TADA1: variants seen among roughly 807,000 people sequenced by gnomAD.
TADA1 encodes the protein transcriptional adapter 1.
TADA1 carries 23 observed loss-of-function variants against 39.3 expected under a neutral mutation model. The observed-to-expected ratio is 0.58, with a 90% CI of 0.42 to 0.83. The LOEUF (loss-of-function observed/expected upper bound fraction) is 0.83. TADA1 is among the 40% of genes least tolerant of loss of function. The pLI is 0.00. For synonymous variants in TADA1, 137 were observed against 151.8 expected, an observed-to-expected ratio of 0.90 and a Z score of 0.72; for missense variants, 352 against 408.1, an observed-to-expected ratio of 0.86 and a Z score of 1.18.
rs751155143 is a variant in TADA1, at chr1:166,856,642, TTATC to T, written c.*921_*924del. On this transcript the variant is annotated 3_prime_UTR_variant, in exon 8 of 8. Transcript: ENST00000367874. Reference sequence around the variant, plus strand: ...CACAAACCTATCTATACATTCTAATTTATCTATCAACACTATCCCTTAAGTAAAA... The same window carrying T: ...CACAAACCTATCTATACATTCTAATTTATCAACACTATCCCTTAAGTAAAA... The T allele has an allele frequency of 5.9e-5, 9 of 152,748 alleles. No individual in the cohort carries two copies. The highest frequency in any genetic ancestry group is 3.9e-4 in the East Asian group (2 of 5,188). The allele number at this position is 152,748 out of a possible 1,614,324, so 9.5% of individuals were successfully genotyped here. A position where few individuals can be genotyped will look rare whatever the true frequency, so the allele number is the denominator to read the frequency against.
chr1:166,866,215 A>G (rs1658531003), intron 3 of TADA1, among the ~76,000 whole-genome samples: 1 of 152,248 alleles, frequency 6.6e-6, no homozygotes, highest in Non-Finnish European at 1.5e-5. Flanking sequence ...CCCTGACAAA[A>G]TGGAAGGCTT....
intron 3 of TADA1, among the ~76,000 whole-genome samples, chr1:166,864,867 T>A (rs1658494130): frequency 6.6e-6 from 1 of 152,160 alleles, no homozygotes; most frequent in African/African-American, 2.4e-5. Flanking sequence ...TTCTGGGATT[T>A]ACTAAGGTAG....
chr1:166,858,091 A>T (rs1300597964), intron 7 of TADA1, 28 bp downstream of exon 7: 1 of 1,612,668 alleles, frequency 6.2e-7, no homozygotes, highest in East Asian at 2.2e-5. Context: ...CCATAAACCT[A>T]GGTAAACTTT....
chr1:166,868,515 C>G (rs563803233), intron 3 of TADA1, among the ~76,000 whole-genome samples: 1 of 152,206 alleles, frequency 6.6e-6, no homozygotes, highest in Admixed American at 6.5e-5. Context: ...TCTCCCTTAC[C>G]TTCTTCATCC....
At chr1:166,858,721 G>C (rs1008882004) in intron 6 of TADA1, among the ~76,000 whole-genome samples, 3 of 152,232 alleles carry the variant, frequency 2.0e-5, no homozygotes, top group Admixed American at 2.0e-4. Context: ...TCCCAAAATA[G>C]AGCTAGATAC....
chr1:166,865,021 G>T (rs1344318090), intron 3 of TADA1, among the ~76,000 whole-genome samples: 1 of 151,718 alleles, frequency 6.6e-6, no homozygotes, highest in Non-Finnish European at 1.5e-5. Context: ...AACATGAAAA[G>T]GACAATAATT....
chr1:166,867,119 T>C (rs1251205265), intron 3 of TADA1, among the ~76,000 whole-genome samples: 1 of 152,340 alleles, frequency 6.6e-6, no homozygotes, highest in East Asian at 1.9e-4. Flanking sequence ...GGGGTAGATA[T>C]TGCTGTACTT....
chr1:166,866,118 G>A (rs1181975332), intron 3 of TADA1, among the ~76,000 whole-genome samples: 2 of 152,194 alleles, frequency 1.3e-5, no homozygotes, highest in Non-Finnish European at 2.9e-5. Context: ...GGCTGGACAT[G>A]CAGACGATGA....
At chr1:166,861,149 T>C (rs1344002692) in intron 5 of TADA1, among the ~76,000 whole-genome samples, 3 of 152,128 alleles carry the variant, frequency 2.0e-5, no homozygotes, top group Admixed American at 2.0e-4. Flanking sequence ...CTCTTCACTT[T>C]CATGAGAGCC....
At chr1:166,868,170 T>G (rs1175251986) in intron 3 of TADA1, among the ~76,000 whole-genome samples, 1 of 152,170 alleles carries the variant, frequency 6.6e-6, no homozygotes, top group Non-Finnish European at 1.5e-5. Context: ...ATGAGGAAAG[T>G]TTTCAATGTA....
Position 166,858,271 on chromosome 1 carries a change from A to G in TADA1, c.703T>C (p.Phe235Leu). The change falls in exon 7 of 8, where the codon TTT (phenylalanine) becomes CTT (leucine). Residue 235 changes from phenylalanine (F) to leucine (L), a missense_variant. Physicochemically the swap from Phe to Leu is conservative, Grantham distance 22 (BLOSUM62 0). Coordinates refer to ENST00000367874, the MANE Select transcript of TADA1 (RefSeq NM_053053.4). ...YNNLIESPPA[F>L]TAPCAGQNPA... Reference sequence around the variant, plus strand: ...TTCTGACCAGCACAGGGAGCAGTAAAAGCTGGAGGGCTGAAAATAAAAATT... The same window carrying G: ...TTCTGACCAGCACAGGGAGCAGTAAGAGCTGGAGGGCTGAAAATAAAAATT... 6.4e-7 allele frequency: 1 copy of G among 1,552,996 alleles called. No individual in the cohort carries two copies.
At chr1:166,862,115 G>T in intron 5 of TADA1, 88 bp downstream of exon 5, 2 of 1,264,340 alleles carry the variant, frequency 1.6e-6, no homozygotes, top group African/African-American at 1.5e-5. Context: ...GTGACATTTG[G>T]ATTCTTTTCT....
At chr1:166,858,972 T>C (rs1280219761) in intron 6 of TADA1, among the ~76,000 whole-genome samples, 1 of 152,080 alleles carries the variant, frequency 6.6e-6, no homozygotes, top group African/African-American at 2.4e-5. Context: ...GGCTTGGGAG[T>C]CCCGCCAGGG....
chr1:166,874,058 T>C (rs1262346086), intron 1 of TADA1, among the ~76,000 whole-genome samples: 1 of 151,384 alleles, frequency 6.6e-6, no homozygotes, highest in Non-Finnish European at 1.5e-5. Context: ...AAATGTAAAT[T>C]TTGGCTGGGC....
At chr1:166,866,764 A>T (rs1456571538) in intron 3 of TADA1, among the ~76,000 whole-genome samples, 143 of 144,260 alleles carry the variant, frequency 9.9e-4, no homozygotes, top group African/African-American at 3.6e-3. Flanking sequence ...TTTTTTTTTG[A>T]GACAGGGTAT....
At chr1:166,869,542 C>A (rs1295558229) in intron 2 of TADA1, 32 bp from the exon 3 acceptor site, 5 of 1,607,544 alleles carry the variant, frequency 3.1e-6, no homozygotes, top group Middle Eastern at 1.7e-4. Flanking sequence ...CAATCAAATT[C>A]AAAACATTTT....
chr1:166,858,263 A>C lies in TADA1; in HGVS notation c.711T>G (p.Ala237=). 6.4e-7 allele frequency: 1 copy of C among 1,565,616 alleles called. No homozygotes were observed. The highest frequency in any genetic ancestry group is 8.6e-7 in the Non-Finnish European group (1 of 1,159,800). ...NLIESPPAFT[A]PCAGQNPASH... is the part of the protein sequence containing the mutation. ...AAGCTGGATTCTGACCAGCACAGGG[A>C]GCAGTAAAAGCTGGAGGGCTGAAAA... Residue 237 remains alanine (A), a synonymous_variant, in exon 7 of 8, where the codon GCT becomes GCG. Coordinates refer to ENST00000367874, the MANE Select transcript of TADA1 (RefSeq NM_053053.4).
intron 3 of TADA1, among the ~76,000 whole-genome samples, chr1:166,867,191 T>A (rs10800273): frequency 0.42 from 63,342 of 151,718 alleles, 13,372 homozygotes; most frequent in Middle Eastern, 0.51. Context: ...AACCTACACT[T>A]GAACCTAAGT....
At position 166,863,931 on chromosome 1, in the gene TADA1, A is replaced by G; in HGVS notation, c.233-10T>C. On this transcript the variant is annotated splice_polypyrimidine_tract_variant and intron_variant, in intron 3 of 7. Transcript: ENST00000367874. ...AAAGATCCAGCACCATCTAGGAGAC[A>G]GAAATATATAACCATAAGTAAAAAT... The G allele has an allele frequency of 1.3e-6, 2 of 1,586,590 alleles. No homozygotes were observed. The highest frequency in any genetic ancestry group is 1.7e-6 in the Non-Finnish European group (2 of 1,171,928).
Sources: gnomAD v4.1 joint callset for allele counts (sites outside exome capture counted in the v4.1 genomes callset) on GRCh38, gnomAD v4.1.1 for gene constraint, MANE v1.5 for transcripts, NCBI Gene and HGNC (gene_info 2026-07-23, HGNC 2026-07-21) for gene names.